Variants in PIBF1 observed in about 807,000 individuals in gnomAD.
PIBF1 encodes progesterone immunomodulatory binding factor 1, also known as progesterone-induced-blocking factor 1.
PIBF1 carries 90 observed loss-of-function variants against 112.5 expected under a neutral mutation model. That is an observed-to-expected ratio of 0.80 (90% CI 0.67 to 0.95). The LOEUF (loss-of-function observed/expected upper bound fraction) is 0.95. PIBF1 is among the 40% of genes least tolerant of loss of function. The pLI is 0.00. For synonymous variants in PIBF1, 301 were observed against 288.6 expected, an observed-to-expected ratio of 1.04 and a Z score of -0.44; for missense variants, 915 against 852.3, an observed-to-expected ratio of 1.07 and a Z score of -0.92.
rs1456223516 is a variant in PIBF1 at position 72,841,474 on chromosome 13, T to C, written c.1223+6106T>C. On this transcript the variant is annotated intron_variant, in intron 9 of 17. Transcript: ENST00000326291. Reference sequence around the variant, plus strand: ...CCCTGAAGTTTAATTTCTTCTTTTATAAAATGGGCTAATAGGCTAGGTGTG... The same window carrying C: ...CCCTGAAGTTTAATTTCTTCTTTTACAAAATGGGCTAATAGGCTAGGTGTG... 2.0e-5 allele frequency among the ~76,000 whole-genome samples: 3 copies of C among 152,248 alleles called. No homozygotes were observed. In the East Asian group the frequency reaches 5.8e-4, roughly 29 times the overall value.
chr13:72,867,897 G>A (rs529647488), intron 10 of PIBF1, among the ~76,000 whole-genome samples: 1 of 152,292 alleles, frequency 6.6e-6, no homozygotes, highest in East Asian at 1.9e-4. Context: ...GACCCCAAAT[G>A]TGAATTTCTC....
chr13:72,866,807 G>A (rs772901720), intron 10 of PIBF1, among the ~76,000 whole-genome samples: 1 of 151,756 alleles, frequency 6.6e-6, no homozygotes, highest in Non-Finnish European at 1.5e-5. Context: ...TTTTATTTTC[G>A]TTCCTTATTT....
chr13:72,794,048 A>G (rs908943336), intron 3 of PIBF1, among the ~76,000 whole-genome samples: 4 of 152,196 alleles, frequency 2.6e-5, no homozygotes, highest in African/African-American at 9.6e-5. Flanking sequence ...CAACATTAAG[A>G]CAAAGCAGAA....
chr13:73,015,871 TA>T lies in PIBF1; in HGVS notation c.2232del (p.Glu745LysfsTer11), dbSNP rs1326999268. The T allele has an allele frequency of 3.2e-6, 5 of 1,570,746 alleles. No homozygotes were observed. Among genetic ancestry groups the T allele is most frequent in the Non-Finnish European group, 4.3e-6 (5 of 1,155,644 alleles). On this transcript the variant is annotated frameshift_variant, in exon 18 of 18. Coordinates refer to ENST00000326291, the MANE Select transcript of PIBF1 (RefSeq NM_006346.4). LOFTEE classifies it high-confidence loss of function. ...TTTCTTTTTCTTTTTTTAAACAGAC[TA>T]AAAAAGAAGCACCTGAGTGGTCTAA... ...IFTPKPTLFT[K>X]KEAPEWSKKQ...
chr13:72,932,159 G>C (rs372066586), intron 14 of PIBF1, among the ~76,000 whole-genome samples: 3 of 151,922 alleles, frequency 2.0e-5, no homozygotes, highest in East Asian at 3.9e-4. Context: ...GCCCAGGCTA[G>C]TCTAGAACTT....
At chr13:72,798,588 C>T (rs1341246589) in intron 5 of PIBF1, among the ~76,000 whole-genome samples, 1 of 152,066 alleles carries the variant, frequency 6.6e-6, no homozygotes, top group Non-Finnish European at 1.5e-5. Flanking sequence ...TTATCTCAGC[C>T]TAGACGATGA....
chr13:72,973,092 T>G (rs969549328), intron 15 of PIBF1, among the ~76,000 whole-genome samples: 10 of 152,186 alleles, frequency 6.6e-5, no homozygotes, highest in Non-Finnish European at 1.0e-4. Flanking sequence ...AGCATCTCAG[T>G]TACGTTGTCA....
chr13:72,817,535 G>A (rs1053404718), intron 5 of PIBF1, among the ~76,000 whole-genome samples: 1 of 152,058 alleles, frequency 6.6e-6, no homozygotes, highest in African/African-American at 2.4e-5. Context: ...TATATAATAG[G>A]CAGAGTATTA....
At position 72,854,139 on chromosome 13, in the gene PIBF1, G is replaced by C. The variant is rs528697307; in HGVS notation, c.1306G>C (p.Asp436His). The stretch of plus-strand genomic sequence containing the variant: ...TGAAAAGGATGCTTTAGAAAAACAC[G>C]ATCAGCTCTTAGACAGGTAAGCATC... ...MAEKDALEKH[D>H]QLLDRYRELQ... is the part of the protein sequence containing the mutation. Residue 436 changes from aspartate to histidine, a missense_variant, in exon 10 of 18, where the codon GAT becomes CAT. Physicochemically the swap from Asp to His is moderately conservative, Grantham distance 81. Coordinates refer to ENST00000326291, the MANE Select transcript of PIBF1 (RefSeq NM_006346.4). 6.2e-7 allele frequency: 1 copy of C among 1,605,734 alleles called. No individual in the cohort carries two copies. The highest frequency in any genetic ancestry group is 1.3e-5 in the African/African-American group (1 of 74,734).
At chr13:72,851,222 G>T (rs1240240981) in intron 9 of PIBF1, among the ~76,000 whole-genome samples, 1 of 152,162 alleles carries the variant, frequency 6.6e-6, no homozygotes, top group Non-Finnish European at 1.5e-5. Context: ...CCCAGGCGCA[G>T]CTGCAGTGGC....
At chr13:72,849,264 A>T (rs1246278868) in intron 9 of PIBF1, among the ~76,000 whole-genome samples, 1 of 152,186 alleles carries the variant, frequency 6.6e-6, no homozygotes, top group Non-Finnish European at 1.5e-5. Flanking sequence ...ACATATTCAG[A>T]TTTTTGTATT....
chr13:72,962,198 AT>A (rs2138899110), intron 14 of PIBF1, among the ~76,000 whole-genome samples: 1 of 152,332 alleles, frequency 6.6e-6, no homozygotes, highest in African/African-American at 2.4e-5. Context: ...ATCTAGAAAA[AT>A]GATTCTGGTA....
chr13:72,986,835 C>T (rs7986801), intron 16 of PIBF1, among the ~76,000 whole-genome samples: 14,816 of 151,404 alleles, frequency 0.098, 1,718 homozygotes, highest in African/African-American at 0.31. Flanking sequence ...GGACTACAGG[C>T]GCCCGCCACC....
At chr13:72,811,232 T>A (rs910927326) in intron 5 of PIBF1, among the ~76,000 whole-genome samples, 3 of 152,236 alleles carry the variant, frequency 2.0e-5, no homozygotes, top group African/African-American at 7.2e-5. Context: ...ACAAATCATT[T>A]TTTAAGCTAT....
chr13:72,943,166 CTAGAATAATAG>C (rs1199803003), intron 14 of PIBF1, among the ~76,000 whole-genome samples: 3 of 151,700 alleles, frequency 2.0e-5, no homozygotes, highest in African/African-American at 7.3e-5. Context: ...CTTTACCTTA[CTAGAATAATAG>C]TAGAATAATA....
At chr13:72,897,019 G>T (rs1232978568) in intron 11 of PIBF1, among the ~76,000 whole-genome samples, 1 of 152,114 alleles carries the variant, frequency 6.6e-6, no homozygotes, top group Non-Finnish European at 1.5e-5. Flanking sequence ...AAGTTAAGAC[G>T]AAGGAAAGAA....
chr13:72,886,666 A>T (rs1185529236), intron 10 of PIBF1, among the ~76,000 whole-genome samples: 1 of 152,042 alleles, frequency 6.6e-6, no homozygotes, highest in East Asian at 1.9e-4. Flanking sequence ...GATATGATAG[A>T]TGCATTGAAT....
chr13:73,009,356 T>C (rs1047116720), intron 17 of PIBF1, among the ~76,000 whole-genome samples: 14 of 152,206 alleles, frequency 9.2e-5, no homozygotes, highest in Non-Finnish European at 1.6e-4. Context: ...GAAATAGATA[T>C]AGGCTAGACA....
chr13:72,813,638 A>G (rs891090141), intron 5 of PIBF1, among the ~76,000 whole-genome samples: 2 of 152,180 alleles, frequency 1.3e-5, no homozygotes, highest in Non-Finnish European at 2.9e-5. Flanking sequence ...TGGCAGTCTC[A>G]CAGCATGGCA....
Sources: allele counts gnomAD v4.1 joint callset (sites outside exome capture counted in the v4.1 genomes callset), GRCh38; gene constraint gnomAD v4.1.1; transcripts MANE v1.5; gene names NCBI Gene and HGNC (gene_info 2026-07-23, HGNC 2026-07-21).